Variants in MBLAC2 observed in about 807,000 individuals in gnomAD.
MBLAC2 encodes the protein acyl-coenzyme A thioesterase MBLAC2.
Under a neutral mutation model 23.3 loss-of-function variants are expected in MBLAC2, and 24 were observed. The ratio of observed to expected loss-of-function variants is 1.03; its 90% CI spans 0.75 to 1.45. The LOEUF is 1.45. MBLAC2 is among the 40% of genes most tolerant of loss of function. The pLI is 0.00. For synonymous variants in MBLAC2, 162 were observed against 150.9 expected, an observed-to-expected ratio of 1.07 and a Z score of -0.54; for missense variants, 358 against 370.0, an observed-to-expected ratio of 0.97 and a Z score of 0.27.
At chr5:90,463,729 G>T (rs1750403304) in intron 1 of MBLAC2, among the ~76,000 whole-genome samples, 1 of 152,118 alleles carries the variant, frequency 6.6e-6, no homozygotes, top group South Asian at 2.1e-4. Context: ...AGTGTTAATA[G>T]AAATAATAAA....
intron 1 of MBLAC2, among the ~76,000 whole-genome samples, chr5:90,470,185 G>A (rs1341886647): frequency 6.6e-6 from 1 of 152,150 alleles, no homozygotes; most frequent in African/African-American, 2.4e-5. Flanking sequence ...GTGCTAGTAT[G>A]GTGGTTACCA....
chr5:90,468,454 T>C (rs1750488011), intron 1 of MBLAC2, among the ~76,000 whole-genome samples: 1 of 152,062 alleles, frequency 6.6e-6, no homozygotes, highest in Admixed American at 6.5e-5. Flanking sequence ...CTTTGAGCTC[T>C]GAGGTTCTTT....
At position 90,458,784 on chromosome 5, in the gene MBLAC2, A is replaced by C. The variant is rs1480403366; in HGVS notation, c.*2383T>G. 1.3e-5 allele frequency: 2 copies of C among 152,176 alleles called. No individual in the cohort carries two copies. Among genetic ancestry groups the C allele is most frequent in the Non-Finnish European group, 2.9e-5 (2 of 68,010 alleles). The allele number at this position is 152,176 out of a possible 1,614,324, so 9.4% of individuals were successfully genotyped here. A position where few individuals can be genotyped will look rare whatever the true frequency, so the allele number is the denominator to read the frequency against. On this transcript the variant is annotated 3_prime_UTR_variant, in exon 2 of 2. Transcript: ENST00000316610. ...CCTTTTGGTGCTGGGAGTAAGATTA[A>C]ATTAAATAATGCATATTTTAAATGT...
In MBLAC2 at chr5:90,460,101, C is replaced by A. The variant is rs1731291166; in HGVS notation, c.*1066G>T. 1 of 152,642 alleles carries A rather than the reference C, an allele frequency of 6.6e-6. No individual in the cohort carries two copies. The highest frequency in any genetic ancestry group is 1.9e-4 in the East Asian group (1 of 5,192). The allele number at this position is 152,642 out of a possible 1,614,324, so 9.5% of individuals were successfully genotyped here. ...TATGACTTTACGAACATAGACTTCT[C>A]TATTCAAGACAAAGAATACTGAACA... On this transcript the variant is annotated 3_prime_UTR_variant, in exon 2 of 2. Transcript: ENST00000316610.
rs767214645 is a variant in MBLAC2, at chr5:90,474,266, G to A, written c.27C>T (p.His9=). The A allele has an allele frequency of 5.6e-6, 9 of 1,613,378 alleles. No homozygotes were observed. In the East Asian group the frequency reaches 8.9e-5, roughly 16 times the overall value. The part of the protein sequence containing the change: MSALEWYA[H]KSLGDGIFWI... ...AGAAGATACCATCGCCTAGAGACTTGTGGGCGTACCACTCGAGCGCCGACA... is the reference window on the plus strand; with the variant it reads ...AGAAGATACCATCGCCTAGAGACTTATGGGCGTACCACTCGAGCGCCGACA... The change falls in exon 1 of 2, where the codon CAC becomes CAT. Residue 9 remains histidine (H), a synonymous_variant. Transcript: ENST00000316610.
At chr5:90,461,687 ATG>A in intron 1 of MBLAC2, 135 bp from the exon 2 acceptor site, 1 of 889,090 alleles carries the variant, frequency 1.1e-6, no homozygotes, top group Non-Finnish European at 1.7e-6. Flanking sequence ...GTATTTCTTA[ATG>A]ATGATTTAAA....
chr5:90,474,102 T>G lies in MBLAC2; in HGVS notation c.191A>C (p.Gln64Pro), dbSNP rs993301835. ...CGCGTCCTCTTTGGCCTCTCGGTCC[T>G]GCAAGAGGCCGGAGGAGTACAGGTA... is the stretch of plus-strand genomic sequence containing the variant. ...PEYLYSSGLL[Q>P]DREAKEDAAR... The change falls in exon 1 of 2, where the codon CAG (glutamine) becomes CCG (proline). Residue 64 changes from glutamine (Q) to proline (P), a missense_variant. Physicochemically the swap from Gln to Pro is moderately conservative, Grantham distance 76 (BLOSUM62 -1). Transcript: ENST00000316610. The G allele has an allele frequency of 2.5e-6, 4 of 1,576,644 alleles. No homozygotes were observed. The African/African-American group carries it at 5.4e-5, about 21-fold the overall frequency.
chr5:90,466,708 A>G (rs1277557996), intron 1 of MBLAC2, among the ~76,000 whole-genome samples: 1 of 152,266 alleles, frequency 6.6e-6, no homozygotes, highest in Non-Finnish European at 1.5e-5. Context: ...TAAAGTGGAT[A>G]TCTGATTAGC....
intron 1 of MBLAC2, among the ~76,000 whole-genome samples, chr5:90,469,304 C>A (rs1294230218): frequency 6.6e-6 from 1 of 152,104 alleles, no homozygotes; most frequent in Non-Finnish European, 1.5e-5. Context: ...TCTGTCCTAT[C>A]TCTGCATCCA....
At position 90,469,157 on chromosome 5, in the gene MBLAC2, G is replaced by T. The variant is rs981971157; in HGVS notation, c.454+4682C>A. 5.9e-5 allele frequency among the ~76,000 whole-genome samples: 9 copies of T among 152,200 alleles called. 1 individual carries two copies. In the South Asian group the frequency reaches 1.7e-3, roughly 28 times the overall value. On this transcript the variant is annotated intron_variant, in intron 1 of 1. Coordinates refer to ENST00000316610, the MANE Select transcript of MBLAC2 (RefSeq NM_203406.2). ...ATTTTTGTATTTTTAGTAGAGACGG[G>T]GTTTCACTATGTTGGCCAGGCTGGT...
rs1750650719 is a variant in MBLAC2, at chr5:90,474,247, T to C, written c.46A>G (p.Ile16Val). Residue 16 changes from isoleucine to valine, a missense_variant, in exon 1 of 2, where the codon ATC becomes GTC. Physicochemically the swap from Ile to Val is conservative, Grantham distance 29. Transcript: ENST00000316610. ...WYAHKSLGDG[I>V]FWIQERFYES... The stretch of plus-strand genomic sequence containing the variant: ...TAGAAACGTTCTTGAATCCAGAAGA[T>C]ACCATCGCCTAGAGACTTGTGGGCG... 6 of 1,613,600 alleles carry C rather than the reference T, an allele frequency of 3.7e-6. 1 individual carries two copies. The highest frequency in any genetic ancestry group is 5.1e-6 in the Non-Finnish European group (6 of 1,179,852).
intron 1 of MBLAC2, among the ~76,000 whole-genome samples, chr5:90,467,159 G>A (rs2151892021): frequency 6.6e-6 from 1 of 152,242 alleles, no homozygotes; most frequent in Middle Eastern, 3.4e-3. Flanking sequence ...AAATGTAGTT[G>A]TTGGGTAGAA....
rs530671688 is a variant in MBLAC2, at chr5:90,461,367, G to A, written c.640C>T (p.Arg214Cys). Residue 214 changes from arginine to cysteine, a missense_variant, in exon 2 of 2, where the codon CGT (arginine) becomes TGT (cysteine). Coordinates refer to ENST00000316610, the MANE Select transcript of MBLAC2 (RefSeq NM_203406.2). The part of the protein sequence containing the change: ...RISDYVGTCE[R>C]LIELVDRGLV... The stretch of plus-strand genomic sequence containing the variant: ...CCTCTGTCCACTAATTCTATTAGAC[G>A]TTCACAAGTTCCAACATAGTCACTT... 88 of 1,614,002 alleles carry A rather than the reference G, an allele frequency of 5.5e-5. No individual in the cohort carries two copies. The highest frequency in any genetic ancestry group is 7.0e-5 in the Non-Finnish European group (83 of 1,180,028).
chr5:90,466,956 G>C (rs1301697413), intron 1 of MBLAC2, among the ~76,000 whole-genome samples: 1 of 152,106 alleles, frequency 6.6e-6, no homozygotes, highest in Admixed American at 6.5e-5. Flanking sequence ...TGGCCAACAT[G>C]GTGAGACCCC....
rs1750670109 is a variant in MBLAC2, at chr5:90,474,460, G to A, written c.-168C>T. 4.4e-5 allele frequency: 28 copies of A among 641,560 alleles called. 1 individual carries two copies. The South Asian group carries it at 5.3e-4, about 12-fold the overall frequency. 39.7% of individuals were successfully genotyped at this position (641,560 alleles called of 1,614,324 possible). On this transcript the variant is annotated 5_prime_UTR_variant, in exon 1 of 2. Transcript: ENST00000316610. ...GCGGGGGTCGGAATAGGAGGAGGAAGGACGCAGACCGACGCTGCCCGTAGC... is the reference window on the plus strand; with the variant it reads ...GCGGGGGTCGGAATAGGAGGAGGAAAGACGCAGACCGACGCTGCCCGTAGC...
At position 90,474,669 on chromosome 5, in the gene MBLAC2, G is replaced by A; in HGVS notation, c.-377C>T. The A allele has an allele frequency of 3.5e-6, 1 of 282,088 alleles. No individual in the cohort carries two copies. Among genetic ancestry groups the A allele is most frequent in the South Asian group, 3.4e-5 (1 of 29,422 alleles). The allele number at this position is 282,088 out of a possible 1,614,324, so 17.5% of individuals were successfully genotyped here. ...GCCACCCCGGGCGTGTGACAGCAGA[G>A]GCCCGCAGTGAGGGTGGGAAGAGCT... On this transcript the variant is annotated 5_prime_UTR_variant, in exon 1 of 2. Coordinates refer to ENST00000316610, the MANE Select transcript of MBLAC2 (RefSeq NM_203406.2).
intron 1 of MBLAC2, among the ~76,000 whole-genome samples, chr5:90,463,351 A>G (rs1273380393): frequency 1.3e-5 from 2 of 152,248 alleles, no homozygotes; most frequent in South Asian, 2.1e-4. Flanking sequence ...CTGGCCTCCC[A>G]AAGTGCTGGG....
At chr5:90,471,684 A>G (rs986700619) in intron 1 of MBLAC2, 2 of 152,238 alleles carry the variant, frequency 1.3e-5, no homozygotes, top group African/African-American at 4.8e-5. Flanking sequence ...TGAAGACTTT[A>G]TGCTGTTCAT....
chr5:90,461,423 G>C lies in MBLAC2; in HGVS notation c.584C>G (p.Ser195Ter). 6.2e-7 allele frequency: 1 copy of C among 1,614,110 alleles called. No individual in the cohort carries two copies. ...GCTGTATGGGAGCCAGTCAATCAGT[G>C]ATCCATCATACACGACGTCTCCACT... ...LFSGDVVYDGSLIDWLPYSRI... is the reference protein window; with the variant it reads ...LFSGDVVYDG Residue 195 changes from serine to a stop codon, truncating the protein, a stop_gained, in exon 2 of 2, where the codon TCA (serine) becomes TGA (stop). Coordinates refer to ENST00000316610, the MANE Select transcript of MBLAC2 (RefSeq NM_203406.2). LOFTEE classifies it high-confidence loss of function.
Sources: gnomAD v4.1 joint callset for allele counts (sites outside exome capture counted in the v4.1 genomes callset) on GRCh38, gnomAD v4.1.1 for gene constraint, MANE v1.5 for transcripts, NCBI Gene and HGNC (gene_info 2026-07-23, HGNC 2026-07-21) for gene names.